PRKD1: variants seen among roughly 807,000 people sequenced by gnomAD.
PRKD1 encodes the protein protein kinase D1, also known as serine/threonine-protein kinase D1.
In PRKD1, 63 loss-of-function variants were observed where a neutral mutation model predicts 95.9. That is an observed-to-expected ratio of 0.66 (90% CI 0.54 to 0.81). The LOEUF (loss-of-function observed/expected upper bound fraction) is 0.81. PRKD1 is among the 30% of genes least tolerant of loss of function. PRKD1 has a pLI of 0.00. For missense variants in PRKD1, 1,048 were observed against 1,165.3 expected (o/e 0.90, Z 1.47); for synonymous variants, 425 against 423.1 (o/e 1.00, Z -0.05).
chr14:29,788,787 C>G (rs1227906010), intron 1 of PRKD1, among the ~76,000 whole-genome samples: 3 of 152,102 alleles, frequency 2.0e-5, no homozygotes, highest in African/African-American at 7.2e-5. Flanking sequence ...CTAGCCTTTG[C>G]TGAATTTCTC....
chr14:29,850,894 A>T (rs888744835), intron 1 of PRKD1, among the ~76,000 whole-genome samples: 3 of 147,694 alleles, frequency 2.0e-5, no homozygotes, highest in Non-Finnish European at 3.0e-5. Context: ...ACAAAAAAAA[A>T]TTAAAAAAAA....
rs1880377238 is a variant in PRKD1 at position 29,636,401 on chromosome 14, A to G, written c.1079T>C (p.Met360Thr). 2 of 1,614,004 alleles carry G rather than the reference A, an allele frequency of 1.2e-6. No individual in the cohort carries two copies. The highest frequency in any genetic ancestry group is 1.7e-5 in the Admixed American group (1 of 60,000). ...TGCATCTTGGACCATTGCTTCTTCC[A>G]TATCATCCATGAGCCCACTGTTCCT... ...SERNSGLMDD[M>T]EEAMVQDAEM... Residue 360 changes from methionine (M) to threonine (T), a missense_variant, in exon 7 of 18, where the codon ATG (methionine) becomes ACG (threonine). Coordinates refer to ENST00000331968, the MANE Select transcript of PRKD1 (RefSeq NM_002742.3).
chr14:29,831,515 C>T (rs955912367), intron 1 of PRKD1, among the ~76,000 whole-genome samples: 27 of 147,000 alleles, frequency 1.8e-4, no homozygotes, highest in African/African-American at 6.3e-4. Context: ...GTCATCCAGG[C>T]TGGAGTGCAA....
In PRKD1 at chr14:29,630,979, T is replaced by A; in HGVS notation, c.1435A>T (p.Thr479Ser). 1.2e-6 allele frequency: 2 copies of A among 1,613,172 alleles called. No homozygotes were observed. Among genetic ancestry groups the A allele is most frequent in the Non-Finnish European group, 1.7e-6 (2 of 1,179,350 alleles). Reference protein sequence around the residue: ...SEILSLEPVKTSALIPNGANP... With the variant: ...SEILSLEPVKSSALIPNGANP... Reference sequence around the variant, plus strand: ...GCCCCATTAGGAATTAAAGCTGAAGTTTTTACTGGTTCCAGAGACAAAATT... The same window carrying A: ...GCCCCATTAGGAATTAAAGCTGAAGATTTTACTGGTTCCAGAGACAAAATT... The change falls in exon 10 of 18, where the codon ACT (threonine) becomes TCT (serine). Residue 479 changes from threonine (T) to serine (S), a missense_variant. Physicochemically the swap from Thr to Ser is moderately conservative, Grantham distance 58. Around this residue, in one of 3 missense-constraint regions of PRKD1, gnomAD observed 739 missense variants for 861.9 expected, o/e 0.86. Coordinates refer to ENST00000331968, the MANE Select transcript of PRKD1 (RefSeq NM_002742.3).
intron 1 of PRKD1, among the ~76,000 whole-genome samples, chr14:29,777,908 A>C (rs1888847880): frequency 6.6e-6 from 1 of 152,204 alleles, no homozygotes; most frequent in South Asian, 2.1e-4. Flanking sequence ...AGCACTCCTC[A>C]GCAAATGTAA....
At chr14:29,666,658 A>G (rs1485875035) in intron 2 of PRKD1, among the ~76,000 whole-genome samples, 1 of 152,146 alleles carries the variant, frequency 6.6e-6, no homozygotes, top group Non-Finnish European at 1.5e-5. Context: ...ACAATGAAGA[A>G]GTACATTACA....
intron 1 of PRKD1, among the ~76,000 whole-genome samples, chr14:29,755,182 T>G (rs1887641959): frequency 6.6e-6 from 1 of 152,190 alleles, no homozygotes; most frequent in Non-Finnish European, 1.5e-5. Context: ...ATTCTGTGTC[T>G]GCTTTTTAAG....
At position 29,630,755 on chromosome 14, in the gene PRKD1, T is replaced by G; in HGVS notation, c.1659A>C (p.Gly553=). The part of the protein sequence containing the change: ...VIPKGSSVGT[G]TNLHRDISVS... ...TGGCAGACTCACTGTGCAAGTTGGT[T>G]CCTGTACCCACGGAGGAGCCCTTGG... The change falls in exon 10 of 18, where the codon GGA becomes GGC. Residue 553 remains glycine (G), a synonymous_variant. Coordinates refer to ENST00000331968, the MANE Select transcript of PRKD1 (RefSeq NM_002742.3). 5 of 1,614,042 alleles carry G rather than the reference T, an allele frequency of 3.1e-6. No individual in the cohort carries two copies. The South Asian group carries it at 4.4e-5, about 14-fold the overall frequency.
intron 1 of PRKD1, among the ~76,000 whole-genome samples, chr14:29,909,024 C>T (rs935229078): frequency 3.3e-5 from 5 of 152,152 alleles, no homozygotes; most frequent in Admixed American, 6.5e-5. Context: ...ACCAGGGCTG[C>T]GAGTGGCGCT....
chr14:29,700,988 G>GCGCGCGCGCGCA (rs140824053), intron 2 of PRKD1, among the ~76,000 whole-genome samples: 2,388 of 90,322 alleles, frequency 0.026, 55 homozygotes, highest in Admixed American at 0.088. Flanking sequence ...GCGCGCGCGC[G>GCGCGCGCGCGCA]CACACACACA....
intron 2 of PRKD1, among the ~76,000 whole-genome samples, chr14:29,703,795 T>G (rs1435577524): frequency 6.6e-6 from 1 of 152,100 alleles, no homozygotes; most frequent in Non-Finnish European, 1.5e-5. Context: ...TAGGGATGCT[T>G]CAGAACAAAG....
At chr14:29,802,264 G>C (rs568036733) in intron 1 of PRKD1, among the ~76,000 whole-genome samples, 1 of 152,068 alleles carries the variant, frequency 6.6e-6, no homozygotes, top group Admixed American at 6.6e-5. Context: ...AGACCTGATA[G>C]TAAATAAGGC....
chr14:29,832,273 A>G (rs569229651), intron 1 of PRKD1, among the ~76,000 whole-genome samples: 3 of 152,172 alleles, frequency 2.0e-5, no homozygotes, highest in Non-Finnish European at 4.4e-5. Flanking sequence ...TGGTGGGTAT[A>G]TGAAATGTTG....
At chr14:29,689,994 G>C (rs1390494629) in intron 2 of PRKD1, among the ~76,000 whole-genome samples, 1 of 152,182 alleles carries the variant, frequency 6.6e-6, no homozygotes, top group African/African-American at 2.4e-5. Context: ...AGAGTATCAG[G>C]AAGAAAAGCT....
chr14:29,735,838 C>T (rs1406250695), intron 1 of PRKD1, among the ~76,000 whole-genome samples: 3 of 152,010 alleles, frequency 2.0e-5, no homozygotes, highest in African/African-American at 7.3e-5. Flanking sequence ...ATTTGGTGTT[C>T]GAGTAAGGCT....
At chr14:29,905,455 T>C (rs1391719026) in intron 1 of PRKD1, among the ~76,000 whole-genome samples, 1 of 152,052 alleles carries the variant, frequency 6.6e-6, no homozygotes, top group Non-Finnish European at 1.5e-5. Flanking sequence ...ATATACTTGA[T>C]AACTTTAAAT....
chr14:29,737,763 C>T (rs1258959121), intron 1 of PRKD1, among the ~76,000 whole-genome samples: 6 of 152,132 alleles, frequency 3.9e-5, no homozygotes, highest in African/African-American at 1.4e-4. Flanking sequence ...CAAAGTTGTT[C>T]TGAAAGCGGT....
intron 1 of PRKD1, among the ~76,000 whole-genome samples, chr14:29,918,999 G>A (rs1228477807): frequency 6.6e-6 from 1 of 152,138 alleles, no homozygotes; most frequent in African/African-American, 2.4e-5. Flanking sequence ...GGGGAAAAGT[G>A]GCTGCTGACA....
chr14:29,655,429 T>C (rs17115153), intron 4 of PRKD1, among the ~76,000 whole-genome samples: 5,513 of 152,298 alleles, frequency 0.036, 290 homozygotes, highest in African/African-American at 0.12. Flanking sequence ...ATTAGCTTCC[T>C]TTGTTAGAGT....
Sources: allele counts gnomAD v4.1 joint callset (sites outside exome capture counted in the v4.1 genomes callset), GRCh38; gene constraint gnomAD v4.1.1; regional missense constraint gnomAD v4.1.1; transcripts MANE v1.5; gene names NCBI Gene and HGNC (gene_info 2026-07-23, HGNC 2026-07-21).